The following CELF2 variants were observed in gnomAD, a reference collection of about 807,000 sequenced individuals.
CELF2 encodes the protein CUG triplet repeat RNA-binding protein 2.
CELF2 carries 8 observed loss-of-function variants against 62.6 expected under a neutral mutation model. The observed-to-expected ratio is 0.13, with a 90% CI of 0.07 to 0.23. The LOEUF is 0.23. Among genes scored for constraint, CELF2 ranks in the 10% least tolerant of loss-of-function variants. CELF2 has a pLI of 1.00. For missense variants in CELF2, 333 were observed against 671.0 expected (o/e 0.50, Z 5.56); for synonymous variants, 258 against 250.0 (o/e 1.03, Z -0.30).
chr10:11,065,406 G>C (rs1291847), intron 1 of CELF2, among the ~76,000 whole-genome samples: 51,161 of 151,992 alleles, frequency 0.34, 9,488 homozygotes, highest in African/African-American at 0.47. Flanking sequence ...ACCGAAATGA[G>C]CTCAGATTCT....
At chr10:10,503,477 A>G in the CELF2 span, among the ~76,000 whole-genome samples, 1 of 151,798 alleles carries the variant, frequency 6.6e-6, no homozygotes, top group Admixed American at 6.6e-5. Flanking sequence ...TGTAACCTCC[A>G]TCTCTGTCTC....
At chr10:10,786,348 T>C in the CELF2 span, among the ~76,000 whole-genome samples, 1 of 152,168 alleles carries the variant, frequency 6.6e-6, no homozygotes, top group African/African-American at 2.4e-5. Flanking sequence ...TATAGATTTC[T>C]GGTCTTGGGT....
At chr10:10,981,639 T>C (rs1475140435) in intron 2 of CELF2, among the ~76,000 whole-genome samples, 2 of 152,234 alleles carry the variant, frequency 1.3e-5, no homozygotes, top group Non-Finnish European at 2.9e-5. Context: ...TACACCCTTT[T>C]CTAGGGCTCT....
chr10:11,010,353 G>A lies in CELF2; in HGVS notation c.53+4913G>A, dbSNP rs544843225. Among the ~76,000 whole-genome samples, 2 of 152,316 alleles carry A rather than the reference G, an allele frequency of 1.3e-5. No individual in the cohort carries two copies. The highest frequency in any genetic ancestry group is 4.8e-5 in the African/African-American group (2 of 41,568). ...CTGGCTACAGGCCTTAGAAGTATCA[G>A]TGGAAACCTCAGTGCTAAAAGAACA... On this transcript the variant is annotated intron_variant, in intron 1 of 12. Coordinates refer to the CELF2 transcript ENST00000416382. This position sits in a 1 kb window ranked among gnomAD's most constrained non-coding sequence, Gnocchi z 4.1.
At chr10:11,031,861 C>G (rs1259313640) in intron 1 of CELF2, among the ~76,000 whole-genome samples, 1 of 152,144 alleles carries the variant, frequency 6.6e-6, no homozygotes, top group Admixed American at 6.5e-5. Context: ...TGTTTGAACA[C>G]TTTGTCAAAA....
the CELF2 span, among the ~76,000 whole-genome samples, chr10:10,530,883 C>T: frequency 4.6e-5 from 7 of 152,054 alleles, no homozygotes; most frequent in African/African-American, 1.2e-4. Flanking sequence ...TTTTTAATGC[C>T]GTGTCTTCAA....
intron 2 of CELF2, among the ~76,000 whole-genome samples, chr10:10,952,802 A>C (rs1002677489): frequency 1.3e-5 from 2 of 152,226 alleles, no homozygotes; most frequent in Non-Finnish European, 2.9e-5. Flanking sequence ...TAGTTGAAAA[A>C]GGAAATTAAG....
chr10:10,954,110 C>G (rs1382313000), intron 2 of CELF2, among the ~76,000 whole-genome samples: 2 of 151,702 alleles, frequency 1.3e-5, no homozygotes. Flanking sequence ...AATTTGACAA[C>G]AGATTGTGTA....
At chr10:11,060,526 G>A (rs1336649070) in intron 1 of CELF2, among the ~76,000 whole-genome samples, 2 of 152,132 alleles carry the variant, frequency 1.3e-5, no homozygotes, top group Non-Finnish European at 2.9e-5. Context: ...ACTCTCCTTG[G>A]CTGCTCTTAG....
At chr10:11,043,120 C>T (rs2062133268) in intron 1 of CELF2, among the ~76,000 whole-genome samples, 1 of 152,196 alleles carries the variant, frequency 6.6e-6, no homozygotes, top group South Asian at 2.1e-4. Context: ...TTTACCTTCC[C>T]ACCAGCAGCG....
chr10:10,519,509 G>A, the CELF2 span, among the ~76,000 whole-genome samples: 1 of 152,118 alleles, frequency 6.6e-6, no homozygotes, highest in African/African-American at 2.4e-5. Flanking sequence ...ACTTCCTAGT[G>A]ATAGAAAAAG....
chr10:10,679,414 C>G, the CELF2 span, among the ~76,000 whole-genome samples: 2 of 152,116 alleles, frequency 1.3e-5, no homozygotes, highest in African/African-American at 2.4e-5. Context: ...CTCAGCCTCC[C>G]AAGTAGCTGA....
At chr10:10,775,404 G>A in the CELF2 span, among the ~76,000 whole-genome samples, 15 of 152,086 alleles carry the variant, frequency 9.9e-5, no homozygotes, top group East Asian at 1.8e-3. Context: ...GCCAAGGCAG[G>A]CAATGACTTC....
intron 2 of CELF2, among the ~76,000 whole-genome samples, chr10:11,206,975 G>GA (rs1324892077): frequency 6.6e-6 from 1 of 152,090 alleles, no homozygotes; most frequent in African/African-American, 2.4e-5. Flanking sequence ...CCCATCGGGG[G>GA]AAAAAAGGAT....
intron 1 of CELF2, among the ~76,000 whole-genome samples, chr10:11,142,420 C>T (rs2061499359): frequency 6.6e-6 from 1 of 152,136 alleles, no homozygotes; most frequent in African/African-American, 2.4e-5. Context: ...CGCGGTGGCT[C>T]ACGCCTGTAA....
chr10:11,321,062 A>C lies in CELF2; in HGVS notation c.1097-127A>C. 2 of 1,295,730 alleles carry C rather than the reference A, an allele frequency of 1.5e-6. No individual in the cohort carries two copies. Among genetic ancestry groups the C allele is most frequent in the South Asian group, 2.5e-5 (2 of 78,716 alleles). 80.3% of individuals were successfully genotyped at this position (1,295,730 alleles called of 1,614,324 possible). A position where few individuals can be genotyped will look rare whatever the true frequency, so the allele number is the denominator to read the frequency against. ...ATGGTTTCATTTTTAGTTTCCTGTC[A>C]GTGTAATTGTGTGCTAGCTGCATGT... On this transcript the variant is annotated intron_variant, in intron 10 of 12. Coordinates refer to ENST00000633077, the MANE Select transcript of CELF2 (RefSeq NM_001326342.2). This position sits in a 1 kb window ranked among gnomAD's most constrained non-coding sequence, Gnocchi z 6.2.
intron 1 of CELF2, among the ~76,000 whole-genome samples, chr10:11,033,340 T>C (rs1380936705): frequency 2.0e-5 from 3 of 151,508 alleles, no homozygotes; most frequent in Non-Finnish European, 4.4e-5. Flanking sequence ...GCACCGCAAC[T>C]TCCACCCCCC....
chr10:10,690,602 G>C, the CELF2 span, among the ~76,000 whole-genome samples: 3 of 152,226 alleles, frequency 2.0e-5, no homozygotes, highest in East Asian at 5.8e-4. Context: ...GCTCATGGTT[G>C]GGCACAGTGG....
the CELF2 span, among the ~76,000 whole-genome samples, chr10:10,785,517 A>G: frequency 6.6e-6 from 1 of 152,232 alleles, no homozygotes. Flanking sequence ...TGTGATATAT[A>G]TATACAGGAA....
Sources: allele counts gnomAD v4.1 joint callset (sites outside exome capture counted in the v4.1 genomes callset), GRCh38; gene constraint gnomAD v4.1.1; non-coding constraint Gnocchi (gnomAD v3.1); transcripts MANE v1.5; gene names NCBI Gene and HGNC (gene_info 2026-07-23, HGNC 2026-07-21).